ADGRG7: variants seen among roughly 807,000 people sequenced by gnomAD.
ADGRG7 encodes G-protein coupled receptor 128.
Under a neutral mutation model 88.6 loss-of-function variants are expected in ADGRG7, and 82 were observed. The observed-to-expected ratio is 0.93, with a 90% CI of 0.77 to 1.11. The LOEUF (loss-of-function observed/expected upper bound fraction) is 1.11. Among genes scored for constraint, ADGRG7 ranks in the 50% most tolerant of loss-of-function variants. ADGRG7 has a pLI of 0.00. For synonymous variants in ADGRG7, 381 were observed against 345.2 expected (o/e 1.10, Z -1.15); for missense variants, 945 against 953.4 (o/e 0.99, Z 0.12).
intron 3 of ADGRG7, among the ~76,000 whole-genome samples, chr3:100,631,277 C>T (rs1294346278): frequency 6.6e-6 from 1 of 152,148 alleles, no homozygotes; most frequent in Non-Finnish European, 1.5e-5. Context: ...GGAACATTCT[C>T]TAGCTTCATT....
intron 13 of ADGRG7, among the ~76,000 whole-genome samples, chr3:100,657,488 T>G (rs1465155081): frequency 6.6e-6 from 1 of 152,206 alleles, no homozygotes; most frequent in South Asian, 2.1e-4. Flanking sequence ...TCCTCTTTAA[T>G]GCTCTACCCC....
intron 15 of ADGRG7, among the ~76,000 whole-genome samples, chr3:100,677,597 G>A (rs1262712604): frequency 1.3e-5 from 2 of 152,026 alleles, no homozygotes; most frequent in Non-Finnish European, 2.9e-5. Context: ...AGCATTTCTT[G>A]TAGGTCAGGG....
At position 100,655,533 on chromosome 3, in the gene ADGRG7, A is replaced by C. The variant is rs79877021; in HGVS notation, c.1726+352A>C. Among the ~76,000 whole-genome samples, 368 of 152,340 alleles carry C rather than the reference A, an allele frequency of 2.4e-3. 1 individual carries two copies. Among genetic ancestry groups the C allele is most frequent in the Non-Finnish European group, 3.6e-3 (248 of 68,030 alleles). ...AGAAAGACAATCAGAGTGACTCTTT[A>C]AGCAAAAATATTTGAAAAATTTATT... On this transcript the variant is annotated intron_variant, in intron 12 of 15. Coordinates refer to ENST00000273352, the MANE Select transcript of ADGRG7 (RefSeq NM_032787.3).
chr3:100,635,491 A>T (rs1487039371), intron 4 of ADGRG7, 186 bp from the exon 5 acceptor site: 1 of 1,333,328 alleles, frequency 7.5e-7, no homozygotes, highest in Non-Finnish European at 9.7e-7. Context: ...AAGGCTGGCA[A>T]AACCACTGGT....
chr3:100,674,264 G>A (rs1297847228), intron 15 of ADGRG7, among the ~76,000 whole-genome samples: 1 of 152,126 alleles, frequency 6.6e-6, no homozygotes, highest in East Asian at 1.9e-4. Flanking sequence ...GATAGCTTTG[G>A]CTATTCTAGG....
At chr3:100,646,158 T>G (rs370743313) in intron 9 of ADGRG7, 50 bp downstream of exon 9, 1 of 1,361,558 alleles carries the variant, frequency 7.3e-7, no homozygotes, top group South Asian at 1.2e-5. Context: ...ATGCTTTCTT[T>G]CTGATGGTGG....
intron 15 of ADGRG7, among the ~76,000 whole-genome samples, chr3:100,689,587 C>G (rs2094989528): frequency 6.6e-6 from 1 of 152,186 alleles, no homozygotes; most frequent in Non-Finnish European, 1.5e-5. Flanking sequence ...CAAAATCTCT[C>G]AGCATTTGCT....
intron 1 of ADGRG7, among the ~76,000 whole-genome samples, chr3:100,617,480 T>C (rs1012836812): frequency 6.6e-6 from 1 of 151,878 alleles, no homozygotes; most frequent in Non-Finnish European, 1.5e-5. Flanking sequence ...CTTGGTTTTT[T>C]GTCCTTGCGA....
At chr3:100,620,909 CAT>C (rs1395541313) in intron 1 of ADGRG7, among the ~76,000 whole-genome samples, 18 of 151,948 alleles carry the variant, frequency 1.2e-4, no homozygotes, top group South Asian at 4.2e-4. Flanking sequence ...TTTCCAATAA[CAT>C]GTGCTCGCTT....
At chr3:100,634,790 C>A (rs1489818772) in intron 4 of ADGRG7, among the ~76,000 whole-genome samples, 2 of 152,190 alleles carry the variant, frequency 1.3e-5, no homozygotes, top group Non-Finnish European at 2.9e-5. Flanking sequence ...TGAGGGTGAA[C>A]AACTCACAAA....
chr3:100,655,288 G>A, intron 12 of ADGRG7, 107 bp downstream of exon 12: 2 of 756,210 alleles, frequency 2.6e-6, no homozygotes, highest in Non-Finnish European at 4.2e-6. Context: ...GTAATTAAGA[G>A]GAGATAGAAA....
intron 14 of ADGRG7, chr3:100,665,144 A>C (rs749376359): frequency 1.9e-6 from 1 of 536,868 alleles, no homozygotes; most frequent in Non-Finnish European, 3.8e-6. Context: ...AGCTGTCTGG[A>C]CTAGCTTATT....
rs555418335 is a variant in ADGRG7 at position 100,671,121 on chromosome 3, G to A, written c.2136+2016G>A. On this transcript the variant is annotated intron_variant, in intron 15 of 15. Coordinates refer to ENST00000273352, the MANE Select transcript of ADGRG7 (RefSeq NM_032787.3). ...TACTGGTTCTAGATCCTGAGGAATCGCCACACTGTCTTCCACAATGGTTGA... is the reference window on the plus strand; with the variant it reads ...TACTGGTTCTAGATCCTGAGGAATCACCACACTGTCTTCCACAATGGTTGA... Among the ~76,000 whole-genome samples, 69 of 152,252 alleles carry A rather than the reference G, an allele frequency of 4.5e-4. No homozygotes were observed. In the East Asian group the frequency reaches 0.012, roughly 27 times the overall value.
chr3:100,659,595 T>G, intron 13 of ADGRG7, 93 bp from the exon 14 acceptor site: 1 of 1,072,634 alleles, frequency 9.3e-7, no homozygotes, highest in South Asian at 1.6e-5. Flanking sequence ...AGCAGATCTT[T>G]CAGTTGAGTG....
chr3:100,693,127 A>C (rs758585627), intron 15 of ADGRG7, among the ~76,000 whole-genome samples: 32 of 152,202 alleles, frequency 2.1e-4, no homozygotes, highest in Non-Finnish European at 4.0e-4. Context: ...TTGGGAGTCC[A>C]CCCAAACAGG....
chr3:100,630,761 G>C lies in ADGRG7; in HGVS notation c.286G>C (p.Gly96Arg). The part of the protein sequence containing the change: ...MGFTFARIPV[G>R]RYGPSLQTCG... ...TTTTACTTTTGCCAGAATCCCAGTGGGCAGATATGGACCATCCTTGCAAAC... is the reference window on the plus strand; with the variant it reads ...TTTTACTTTTGCCAGAATCCCAGTGCGCAGATATGGACCATCCTTGCAAAC... The change falls in exon 3 of 16, where the codon GGC becomes CGC. Residue 96 changes from glycine (G) to arginine (R), a missense_variant. Physicochemically the swap from Gly to Arg is moderately radical, Grantham distance 125 (BLOSUM62 -2). Coordinates refer to ENST00000273352, the MANE Select transcript of ADGRG7 (RefSeq NM_032787.3). 1 of 1,483,510 alleles carries C rather than the reference G, an allele frequency of 6.7e-7. No individual in the cohort carries two copies. Among genetic ancestry groups the C allele is most frequent in the South Asian group, 1.5e-5 (1 of 65,592 alleles). The allele number at this position is 1,483,510 out of a possible 1,614,324, so 91.9% of individuals were successfully genotyped here. A position where few individuals can be genotyped will look rare whatever the true frequency, so the allele number is the denominator to read the frequency against.
chr3:100,679,830 G>T (rs1329738584), intron 15 of ADGRG7, among the ~76,000 whole-genome samples: 1 of 152,136 alleles, frequency 6.6e-6, no homozygotes. Context: ...TATAGTTATT[G>T]CTGAAGCTTA....
At chr3:100,622,803 C>T (rs1212912465) in intron 1 of ADGRG7, among the ~76,000 whole-genome samples, 1 of 151,924 alleles carries the variant, frequency 6.6e-6, no homozygotes, top group East Asian at 1.9e-4. Context: ...ACTCTGTTGC[C>T]CAGGCTGGAG....
intron 15 of ADGRG7, among the ~76,000 whole-genome samples, chr3:100,693,083 TA>T (rs1210592082): frequency 1.3e-5 from 2 of 152,200 alleles, no homozygotes; most frequent in Non-Finnish European, 2.9e-5. Flanking sequence ...TCTTTTCAAA[TA>T]ACATTTTTGG....
Sources: allele counts gnomAD v4.1 joint callset (sites outside exome capture counted in the v4.1 genomes callset), GRCh38; gene constraint gnomAD v4.1.1; transcripts MANE v1.5; gene names NCBI Gene and HGNC (gene_info 2026-07-23, HGNC 2026-07-21).